The following ACSBG1 variants were observed in gnomAD, a reference collection of about 807,000 sequenced individuals.
ACSBG1 encodes acyl-CoA synthetase bubblegum family member 1.
In ACSBG1, 39 loss-of-function variants were observed where a neutral mutation model predicts 80.2. The ratio of observed to expected loss-of-function variants is 0.49; its 90% CI spans 0.38 to 0.64. The LOEUF (loss-of-function observed/expected upper bound fraction) is 0.64. Ranked by LOEUF, ACSBG1 falls within the 30% of genes least tolerant of loss-of-function variation. The probability of loss-of-function intolerance (pLI) is 0.00; values close to 1 mark genes in which losing one functional copy is unlikely to be tolerated. For synonymous variants in ACSBG1, 392 were observed against 379.5 expected (o/e 1.03, Z -0.38); for missense variants, 828 against 966.4 (o/e 0.86, Z 1.90).
chr15:78,216,509 C>CA (rs1444041207), intron 1 of ACSBG1, among the ~76,000 whole-genome samples: 2 of 152,174 alleles, frequency 1.3e-5, no homozygotes, highest in Non-Finnish European at 2.9e-5. Flanking sequence ...TTCCAGCTCA[C>CA]ACGGGTGGGG....
chr15:78,206,119 G>T (rs150076158), intron 2 of ACSBG1, among the ~76,000 whole-genome samples: 150 of 152,316 alleles, frequency 9.8e-4, no homozygotes, highest in African/African-American at 3.3e-3. Context: ...GCTTAGCACT[G>T]CCCTGGGAAG....
chr15:78,225,876 A>G (rs1012868518), intron 1 of ACSBG1, among the ~76,000 whole-genome samples: 1 of 152,232 alleles, frequency 6.6e-6, no homozygotes, highest in African/African-American at 2.4e-5. Context: ...CAAACTGTCA[A>G]CCAGGGCTGC....
intron 1 of ACSBG1, among the ~76,000 whole-genome samples, chr15:78,218,803 GCTCTCC>G (rs2075334810): frequency 6.8e-6 from 1 of 146,342 alleles, no homozygotes; most frequent in Non-Finnish European, 1.5e-5. Context: ...ACGGAGTATC[GCTCTCC>G]TTTTTTTTTT....
At chr15:78,187,510 C>T (rs1405328188) in intron 5 of ACSBG1, among the ~76,000 whole-genome samples, 2 of 152,232 alleles carry the variant, frequency 1.3e-5, no homozygotes, top group South Asian at 2.1e-4. Context: ...GAATGCAAGG[C>T]TGGTTCAATA....
chr15:78,173,503 G>A (rs1024387371), intron 13 of ACSBG1, 90 bp downstream of exon 13: 8 of 1,530,618 alleles, frequency 5.2e-6, no homozygotes, highest in African/African-American at 1.4e-5. Flanking sequence ...TCTCTTTGCC[G>A]TGGCTGCTTC....
chr15:78,213,477 C>T (rs987768102), intron 1 of ACSBG1: 1 of 152,368 alleles, frequency 6.6e-6, no homozygotes, highest in African/African-American at 2.4e-5. Context: ...TCAGCAACCC[C>T]TCTGCTCCCT....
rs1252431289 is a variant in ACSBG1 at position 78,204,090 on chromosome 15, G to A, written c.232+3912C>T. On this transcript the variant is annotated intron_variant, in intron 2 of 13. Transcript: ENST00000258873. ...GTTCCTCTGTGTCTGAGGGGAGAGG[G>A]CCCCTGCAGCTGCCACTCCCGGCCT... Among the ~76,000 whole-genome samples, 3 of 152,180 alleles carry A rather than the reference G, an allele frequency of 2.0e-5. No homozygotes were observed. The East Asian group carries it at 5.8e-4, about 29-fold the overall frequency.
Position 78,206,363 on chromosome 15 carries a change from G to T in ACSBG1, c.232+1639C>A, listed in dbSNP as rs889108715. On this transcript the variant is annotated intron_variant, in intron 2 of 13. Coordinates refer to ENST00000258873, the MANE Select transcript of ACSBG1 (RefSeq NM_015162.5). Reference sequence around the variant, plus strand: ...CTTGCCCCCACAGCTCCCAGAGGGAGCCCTCCTTCCTCAGCCTGTCCCTGC... The same window carrying T: ...CTTGCCCCCACAGCTCCCAGAGGGATCCCTCCTTCCTCAGCCTGTCCCTGC... 2.0e-5 allele frequency among the ~76,000 whole-genome samples: 3 copies of T among 152,306 alleles called. No homozygotes were observed. The East Asian group carries it at 5.8e-4, about 29-fold the overall frequency.
chr15:78,174,571 C>T (rs1418164410), intron 11 of ACSBG1, 47 bp from the exon 12 acceptor site: 9 of 1,582,854 alleles, frequency 5.7e-6, no homozygotes, highest in Non-Finnish European at 7.7e-6. Context: ...AGTCCAGGTG[C>T]CCCAGCTGAA....
At chr15:78,209,861 C>A (rs986834086) in intron 1 of ACSBG1, among the ~76,000 whole-genome samples, 1 of 152,224 alleles carries the variant, frequency 6.6e-6, no homozygotes, top group African/African-American at 2.4e-5. Context: ...TGTAATGTCC[C>A]ACCATCTGAA....
rs201026135 is a variant in ACSBG1 at position 78,187,550 on chromosome 15, A to C, written c.664-4765T>G. ...CAAATCAATAAATGTAATCCAGCAT[A>C]TAAACAGAACCAAAGACAAAAACCA... is the stretch of plus-strand genomic sequence containing the variant. On this transcript the variant is annotated intron_variant, in intron 5 of 13. Transcript: ENST00000258873. Among the ~76,000 whole-genome samples the C allele has an allele frequency of 5.3e-3, 811 of 152,348 alleles. 12 individuals carry two copies. Among genetic ancestry groups the C allele is most frequent in the East Asian group, 0.045 (232 of 5,188 alleles).
chr15:78,190,216 C>G (rs1478518961), intron 5 of ACSBG1, among the ~76,000 whole-genome samples: 2 of 130,152 alleles, frequency 1.5e-5, no homozygotes, highest in Non-Finnish European at 3.2e-5. Context: ...TGAGATGAGC[C>G]TGGGCAACAT....
At chr15:78,180,977 A>G (rs372198914) in intron 8 of ACSBG1, 41 bp from the exon 9 acceptor site, 51 of 1,593,056 alleles carry the variant, frequency 3.2e-5, no homozygotes, top group African/African-American at 1.5e-4. Context: ...GGTCAGGGGC[A>G]TCTGGGGCCC....
rs2074900204 is a variant in ACSBG1 at position 78,177,991 on chromosome 15, ATACT to A, written c.1702+619_1702+622del. 6.6e-6 allele frequency among the ~76,000 whole-genome samples: 1 copy of A among 152,264 alleles called. No individual in the cohort carries two copies. The highest frequency in any genetic ancestry group is 2.4e-5 in the African/African-American group (1 of 41,548). ...CCATGTTTGCATATAAAAATACATA[ATACT>A]TACGCTCCTGAATCTTCTGGAAAGA... On this transcript the variant is annotated intron_variant, in intron 11 of 13. Coordinates refer to ENST00000258873, the MANE Select transcript of ACSBG1 (RefSeq NM_015162.5). The surrounding 1 kb of genome is among the most constrained non-coding windows in gnomAD (Gnocchi z 4.1).
intron 5 of ACSBG1, among the ~76,000 whole-genome samples, chr15:78,190,553 A>G (rs1237519697): frequency 6.9e-6 from 1 of 144,132 alleles, no homozygotes; most frequent in Non-Finnish European, 1.6e-5. Flanking sequence ...TCTGGGTGAC[A>G]AAGTGAGACC....
At chr15:78,187,769 C>G (rs1332641093) in intron 5 of ACSBG1, among the ~76,000 whole-genome samples, 1 of 152,196 alleles carries the variant, frequency 6.6e-6, no homozygotes, top group Non-Finnish European at 1.5e-5. Flanking sequence ...TGGCACAAGA[C>G]AGGGATGCCC....
rs2074830427 is a variant in ACSBG1 at position 78,172,070 on chromosome 15, A to C, written c.2090-541T>G. On this transcript the variant is annotated intron_variant, in intron 13 of 13. Transcript: ENST00000258873. This position sits in a 1 kb window ranked among gnomAD's most constrained non-coding sequence, Gnocchi z 4.1. ...CCACACACGGATGTTTCTGGCCAGCAGACAGCAAGGAGCTGAGGCCTGCCG... is the reference window on the plus strand; with the variant it reads ...CCACACACGGATGTTTCTGGCCAGCCGACAGCAAGGAGCTGAGGCCTGCCG... 1 of 152,696 alleles carries C rather than the reference A, an allele frequency of 6.5e-6. No homozygotes were observed. The allele number at this position is 152,696 out of a possible 1,614,324, so 9.5% of individuals were successfully genotyped here. A position where few individuals can be genotyped will look rare whatever the true frequency, so the allele number is the denominator to read the frequency against.
At chr15:78,212,684 G>C (rs1057312121) in intron 1 of ACSBG1, 1 of 439,974 alleles carries the variant, frequency 2.3e-6, no homozygotes, top group East Asian at 7.1e-5. Flanking sequence ...CCCCCCGGGA[G>C]AGCCACAGCA....
At chr15:78,199,767 G>A (rs2075150089) in intron 2 of ACSBG1, among the ~76,000 whole-genome samples, 1 of 151,572 alleles carries the variant, frequency 6.6e-6, no homozygotes, top group Non-Finnish European at 1.5e-5. Flanking sequence ...AAAGTGCTGG[G>A]ATTACAGGTG....
Sources: gnomAD v4.1 joint callset for allele counts (sites outside exome capture counted in the v4.1 genomes callset) on GRCh38, gnomAD v4.1.1 for gene constraint, Gnocchi (gnomAD v3.1) non-coding constraint, MANE v1.5 for transcripts, NCBI Gene and HGNC (gene_info 2026-07-23, HGNC 2026-07-21) for gene names.